GUCY1A1: variants seen among roughly 807,000 people sequenced by gnomAD.
GUCY1A1 encodes the protein guanylate cyclase soluble subunit alpha-1.
GUCY1A1 carries 48 observed loss-of-function variants against 64.5 expected under a neutral mutation model. The observed-to-expected ratio is 0.74, with a 90% CI of 0.59 to 0.95. GUCY1A1 has a LOEUF of 0.95. Ranked by LOEUF, GUCY1A1 falls within the 40% of genes least tolerant of loss-of-function variation. The pLI, the probability that GUCY1A1 is intolerant of heterozygous loss-of-function variation, is 0.00. For synonymous variants in GUCY1A1, 308 were observed against 303.4 expected, an observed-to-expected ratio of 1.02 and a Z score of -0.16; for missense variants, 804 against 825.3, an observed-to-expected ratio of 0.97 and a Z score of 0.32.
In GUCY1A1 at chr4:155,730,718, G is replaced by T. The variant is rs950933901; in HGVS notation, c.*487G>T. ...TTTTATTGCATTTTCTCATTTAACTGTTAGTATATGTTTGAATATAGGCTG... is the reference window on the plus strand; with the variant it reads ...TTTTATTGCATTTTCTCATTTAACTTTTAGTATATGTTTGAATATAGGCTG... On this transcript the variant is annotated 3_prime_UTR_variant, in exon 10 of 10. Transcript: ENST00000506455. 6.5e-6 allele frequency: 1 copy of T among 153,506 alleles called. No individual in the cohort carries two copies. Among genetic ancestry groups the T allele is most frequent in the Non-Finnish European group, 1.5e-5 (1 of 68,094 alleles). 9.5% of individuals were successfully genotyped at this position (153,506 alleles called of 1,614,324 possible). A position where few individuals can be genotyped will look rare whatever the true frequency, so the allele number is the denominator to read the frequency against.
chr4:155,686,566 C>A (rs1343007266), intron 2 of GUCY1A1, among the ~76,000 whole-genome samples: 1 of 152,194 alleles, frequency 6.6e-6, no homozygotes, highest in Non-Finnish European at 1.5e-5. Flanking sequence ...CCTTGTATAA[C>A]AAATACTAAT....
chr4:155,719,587 T>C (rs1237923948), intron 8 of GUCY1A1, among the ~76,000 whole-genome samples: 1 of 152,206 alleles, frequency 6.6e-6, no homozygotes, highest in Non-Finnish European at 1.5e-5. Flanking sequence ...TTTTCTTTTT[T>C]TATTTTTCAA....
At chr4:155,703,253 A>G (rs1305003751) in intron 3 of GUCY1A1, among the ~76,000 whole-genome samples, 1 of 152,212 alleles carries the variant, frequency 6.6e-6, no homozygotes, top group African/African-American at 2.4e-5. Context: ...AACCATAAGT[A>G]TTTGATGAGG....
chr4:155,712,288 C>T (rs938930690), intron 6 of GUCY1A1, among the ~76,000 whole-genome samples: 1 of 152,198 alleles, frequency 6.6e-6, no homozygotes, highest in Non-Finnish European at 1.5e-5. Context: ...TGCACCACCA[C>T]ATCCGGCTAA....
chr4:155,729,857 A>T (rs1177488418), intron 9 of GUCY1A1, among the ~76,000 whole-genome samples, 173 bp from the exon 10 acceptor site: 2 of 151,828 alleles, frequency 1.3e-5, no homozygotes, highest in Non-Finnish European at 2.9e-5. Context: ...TTGTGAATTG[A>T]TTCTTCATTG....
In GUCY1A1 at chr4:155,717,408, G is replaced by T. The variant is rs531478118; in HGVS notation, c.1716+106G>T. ...TTGGGGGTTAGTTGAGAGAGAGAGAGAAAGCAAAATCTATATAGAGAACAC... is the reference window on the plus strand; with the variant it reads ...TTGGGGGTTAGTTGAGAGAGAGAGATAAAGCAAAATCTATATAGAGAACAC... On this transcript the variant is annotated intron_variant, in intron 8 of 9. Transcript: ENST00000506455. The T allele has an allele frequency of 4.5e-5, 29 of 649,436 alleles. No homozygotes were observed. In the African/African-American group the frequency reaches 5.4e-4, roughly 12 times the overall value. The allele number at this position is 649,436 out of a possible 1,614,324, so 40.2% of individuals were successfully genotyped here.
At chr4:155,714,285 A>G (rs1195580580) in intron 7 of GUCY1A1, among the ~76,000 whole-genome samples, 5 of 152,248 alleles carry the variant, frequency 3.3e-5, no homozygotes, top group East Asian at 3.8e-4. Flanking sequence ...GTTTATATGC[A>G]TGAATAACAC....
chr4:155,669,622 C>T (rs1184462474), intron 2 of GUCY1A1, among the ~76,000 whole-genome samples: 1 of 151,834 alleles, frequency 6.6e-6, no homozygotes, highest in Non-Finnish European at 1.5e-5. Context: ...TTTAATATTT[C>T]ACTACAAACA....
At chr4:155,708,832 G>A (rs1166151550) in intron 5 of GUCY1A1, among the ~76,000 whole-genome samples, 3 of 152,050 alleles carry the variant, frequency 2.0e-5, no homozygotes, top group Non-Finnish European at 4.4e-5. Context: ...CCCCCTAGGA[G>A]CAAGGCCCTA....
At chr4:155,723,609 T>C (rs1734255556) in intron 9 of GUCY1A1, among the ~76,000 whole-genome samples, 1 of 151,202 alleles carries the variant, frequency 6.6e-6, no homozygotes, top group African/African-American at 2.4e-5. Context: ...TAATAGCATC[T>C]TCTCCCTTCT....
chr4:155,696,652 AC>A (rs758511193), intron 2 of GUCY1A1, 103 bp from the exon 3 acceptor site: 36 of 422,712 alleles, frequency 8.5e-5, no homozygotes, highest in Non-Finnish European at 1.2e-4. Context: ...AATTTTTTTA[AC>A]TTGAGAATGA....
At chr4:155,667,511 C>T (rs1205535251) in intron 2 of GUCY1A1, 92 bp downstream of exon 2, 1 of 152,220 alleles carries the variant, frequency 6.6e-6, no homozygotes, top group Non-Finnish European at 1.5e-5. Context: ...TCTCCTTCCT[C>T]TCCTGAGAAA....
rs754774107 is a variant in GUCY1A1 at position 155,711,004 on chromosome 4, C to A, written c.839C>A (p.Ser280Ter). The change falls in exon 6 of 10, where the codon TCG (serine) becomes TAG (stop). Residue 280 changes from serine to a stop codon, truncating the protein, a stop_gained. Transcript: ENST00000506455. LOFTEE classifies it high-confidence loss of function. ...KPQSSLVIPTSLFCKTFPFHF... is the reference protein window; with the variant it reads ...KPQSSLVIPT ...CAGTCCTCGCTGGTGATTCCCACATCGCTATTCTGCAAGACATTTCCATTC... is the reference window on the plus strand; with the variant it reads ...CAGTCCTCGCTGGTGATTCCCACATAGCTATTCTGCAAGACATTTCCATTC... 5.0e-6 allele frequency: 8 copies of A among 1,613,790 alleles called. No individual in the cohort carries two copies. The highest frequency in any genetic ancestry group is 2.2e-5 in the East Asian group (1 of 44,866).
intron 4 of GUCY1A1, among the ~76,000 whole-genome samples, chr4:155,704,215 T>C (rs1731447546): frequency 6.6e-6 from 1 of 152,238 alleles, no homozygotes; most frequent in South Asian, 2.1e-4. Flanking sequence ...TTTAGAATTT[T>C]ATAGCCGTTT....
In GUCY1A1 at chr4:155,677,779, G is replaced by C. The variant is rs569640280; in HGVS notation, c.-113+10360G>C. Among the ~76,000 whole-genome samples the C allele has an allele frequency of 2.0e-4, 31 of 152,202 alleles. No individual in the cohort carries two copies. In the East Asian group the frequency reaches 6.0e-3, roughly 29 times the overall value. On this transcript the variant is annotated intron_variant, in intron 2 of 9. Coordinates refer to ENST00000506455, the MANE Select transcript of GUCY1A1 (RefSeq NM_001130682.3). ...AGGCAGGAGAACTGTTTGAACCTGG[G>C]AGGCGGAGGTTGCAGTGAGCCAAGT... is the stretch of plus-strand genomic sequence containing the variant.
At chr4:155,708,345 T>G in intron 5 of GUCY1A1, 51 bp downstream of exon 5, 1 of 883,136 alleles carries the variant, frequency 1.1e-6, no homozygotes, top group South Asian at 1.4e-5. Context: ...CCTGTAGAAC[T>G]CACATTTTCT....
At chr4:155,682,000 T>A (rs1378056543) in intron 2 of GUCY1A1, among the ~76,000 whole-genome samples, 1 of 152,178 alleles carries the variant, frequency 6.6e-6, no homozygotes, top group African/African-American at 2.4e-5. Flanking sequence ...CCATGAACGG[T>A]GCTATATCTT....
intron 3 of GUCY1A1, among the ~76,000 whole-genome samples, chr4:155,700,970 TA>T (rs1284048308): frequency 5.3e-5 from 8 of 152,338 alleles, no homozygotes; most frequent in African/African-American, 1.4e-4. Context: ...TGGTTGATTT[TA>T]TGTTATGAGG....
At chr4:155,673,932 G>A (rs753803813) in intron 2 of GUCY1A1, among the ~76,000 whole-genome samples, 14 of 151,410 alleles carry the variant, frequency 9.2e-5, no homozygotes, top group Non-Finnish European at 1.5e-4. Flanking sequence ...ATTATGATAT[G>A]AATAATTACT....
Sources: gnomAD v4.1 joint callset for allele counts (sites outside exome capture counted in the v4.1 genomes callset) on GRCh38, gnomAD v4.1.1 for gene constraint, MANE v1.5 for transcripts, NCBI Gene and HGNC (gene_info 2026-07-23, HGNC 2026-07-21) for gene names.